Variants in SLCO5A1 observed in about 807,000 individuals in gnomAD.
The protein encoded by SLCO5A1 is organic anion transporter polypeptide-related protein 4.
In SLCO5A1, 39 loss-of-function variants were observed where a neutral mutation model predicts 65.1. That is an observed-to-expected ratio of 0.60 (90% CI 0.46 to 0.78). The LOEUF is 0.78. SLCO5A1 is among the 30% of genes least tolerant of loss of function. SLCO5A1 has a pLI of 0.00. For missense variants in SLCO5A1, 1,029 were observed against 1,069.4 expected (o/e 0.96, Z 0.53); for synonymous variants, 438 against 415.7 (o/e 1.05, Z -0.65).
intron 2 of SLCO5A1, among the ~76,000 whole-genome samples, chr8:69,774,291 C>T (rs878972974): frequency 6.6e-5 from 10 of 152,150 alleles, no homozygotes; most frequent in South Asian, 2.1e-4. Flanking sequence ...TCTCTACCTC[C>T]GCCAATCCCA....
chr8:69,741,287 C>T (rs371856923), intron 4 of SLCO5A1, among the ~76,000 whole-genome samples: 24 of 152,218 alleles, frequency 1.6e-4, no homozygotes, highest in African/African-American at 5.8e-4. Flanking sequence ...GTGCAATTGA[C>T]CATAAGTTCA....
intron 2 of SLCO5A1, among the ~76,000 whole-genome samples, chr8:69,824,562 C>T (rs1820788470): frequency 6.6e-6 from 1 of 152,114 alleles, no homozygotes; most frequent in Admixed American, 6.5e-5. Context: ...ATACACCCTC[C>T]CAAGACTAAA....
intron 2 of SLCO5A1, among the ~76,000 whole-genome samples, chr8:69,778,419 C>G (rs1433447212): frequency 6.6e-6 from 1 of 151,480 alleles, no homozygotes; most frequent in Admixed American, 6.6e-5. Flanking sequence ...GAGTTGTATA[C>G]TTAGAGTAGG....
chr8:69,759,585 A>G (rs1817672594), intron 3 of SLCO5A1, among the ~76,000 whole-genome samples: 1 of 152,204 alleles, frequency 6.6e-6, no homozygotes, highest in South Asian at 2.1e-4. Context: ...GTGGCAGACT[A>G]GGGTTTAAAC....
At chr8:69,828,586 A>G (rs887186105) in intron 2 of SLCO5A1, among the ~76,000 whole-genome samples, 8 of 151,914 alleles carry the variant, frequency 5.3e-5, no homozygotes, top group African/African-American at 1.7e-4. Flanking sequence ...TGGGCGACAG[A>G]GCGAGACTCG....
At chr8:69,818,321 C>T (rs1462580578) in intron 2 of SLCO5A1, among the ~76,000 whole-genome samples, 1 of 152,186 alleles carries the variant, frequency 6.6e-6, no homozygotes, top group Non-Finnish European at 1.5e-5. Flanking sequence ...TCTGGTCTTT[C>T]GATCCTTGCT....
At chr8:69,826,253 T>C (rs1820908130) in intron 2 of SLCO5A1, among the ~76,000 whole-genome samples, 1 of 151,492 alleles carries the variant, frequency 6.6e-6, no homozygotes, top group Admixed American at 6.6e-5. Flanking sequence ...CCAAAAGCAA[T>C]GGCAACAAAA....
intron 4 of SLCO5A1, among the ~76,000 whole-genome samples, chr8:69,753,830 G>A (rs778368872): frequency 6.6e-6 from 1 of 150,628 alleles, no homozygotes; most frequent in African/African-American, 2.5e-5. Context: ...GGCCAACATG[G>A]TGGAATACCA....
At chr8:69,679,882 T>C (rs6985845) in intron 7 of SLCO5A1, among the ~76,000 whole-genome samples, 6,009 of 152,322 alleles carry the variant, frequency 0.039, 426 homozygotes, top group African/African-American at 0.14. Flanking sequence ...ATTCACGTTC[T>C]GCAGGCTCAT....
At chr8:69,706,508 G>A (rs1269674539) in intron 5 of SLCO5A1, among the ~76,000 whole-genome samples, 1 of 152,220 alleles carries the variant, frequency 6.6e-6, no homozygotes, top group Non-Finnish European at 1.5e-5. Context: ...TAAGTCACAA[G>A]AGTGGGAGGC....
chr8:69,779,262 A>G (rs2130881134), intron 2 of SLCO5A1, among the ~76,000 whole-genome samples: 1 of 152,304 alleles, frequency 6.6e-6, no homozygotes, highest in South Asian at 2.1e-4. Flanking sequence ...TTAAGCTATG[A>G]CTATAAACCA....
intron 5 of SLCO5A1, among the ~76,000 whole-genome samples, chr8:69,712,661 ACACCTGT>A (rs1294073026): frequency 6.6e-6 from 1 of 152,048 alleles, no homozygotes; most frequent in Non-Finnish European, 1.5e-5. Flanking sequence ...CCCTCTCATC[ACACCTGT>A]CACTCCTATT....
chr8:69,673,104 C>T lies in SLCO5A1; in HGVS notation c.2312G>A (p.Arg771Lys), dbSNP rs763319616. ...KYKEDGLQRR[R>K]QREFPLSTVS... ...GGTGCTCAGGGGAAATTCTCTCTGC[C>T]TCCGCCTCTGCAGTCCATCCTCCTT... Residue 771 changes from arginine to lysine, a missense_variant, in exon 10 of 10, where the codon AGG becomes AAG. Coordinates refer to ENST00000260126, the MANE Select transcript of SLCO5A1 (RefSeq NM_030958.3). 1 of 1,614,236 alleles carries T rather than the reference C, an allele frequency of 6.2e-7. No individual in the cohort carries two copies.
intron 5 of SLCO5A1, among the ~76,000 whole-genome samples, chr8:69,732,475 A>C (rs1816376786): frequency 6.6e-6 from 1 of 152,230 alleles, no homozygotes; most frequent in Admixed American, 6.5e-5. Context: ...TGGAATCCTA[A>C]ATCCTTTGGA....
chr8:69,784,811 A>AAAG (rs1554620799), intron 2 of SLCO5A1, among the ~76,000 whole-genome samples: 3 of 70,930 alleles, frequency 4.2e-5, no homozygotes, highest in African/African-American at 7.8e-5. Context: ...GAAAGAAAGA[A>AAAG]AAAGAAAGAA....
chr8:69,716,114 T>C (rs1815521130), intron 5 of SLCO5A1, among the ~76,000 whole-genome samples: 1 of 152,218 alleles, frequency 6.6e-6, no homozygotes. Context: ...CTTAGTATGT[T>C]TTCAAGGTTC....
At chr8:69,679,988 T>G (rs1029812740) in intron 7 of SLCO5A1, among the ~76,000 whole-genome samples, 2 of 152,226 alleles carry the variant, frequency 1.3e-5, no homozygotes, top group Non-Finnish European at 2.9e-5. Context: ...CTTATTTTTC[T>G]TTGTGCTCAC....
chr8:69,729,574 T>G (rs574775445), intron 5 of SLCO5A1, among the ~76,000 whole-genome samples: 2 of 152,096 alleles, frequency 1.3e-5, no homozygotes, highest in African/African-American at 4.8e-5. Flanking sequence ...AATATAAATT[T>G]TTACTCTGAA....
chr8:69,701,656 G>A (rs969810578), intron 6 of SLCO5A1, among the ~76,000 whole-genome samples: 14 of 152,062 alleles, frequency 9.2e-5, no homozygotes, highest in African/African-American at 1.4e-4. Flanking sequence ...CCCCTGCTTC[G>A]AGTTGTCCCG....
Sources: gnomAD v4.1 joint callset for allele counts (sites outside exome capture counted in the v4.1 genomes callset) on GRCh38, gnomAD v4.1.1 for gene constraint, MANE v1.5 for transcripts, NCBI Gene and HGNC (gene_info 2026-07-23, HGNC 2026-07-21) for gene names.